ADGRL2: variants seen among roughly 807,000 people sequenced by gnomAD.
ADGRL2 encodes adhesion G protein-coupled receptor L2, also known as calcium-independent alpha-latrotoxin receptor 2.
ADGRL2 carries 44 observed loss-of-function variants against 157.4 expected under a neutral mutation model. The ratio of observed to expected loss-of-function variants is 0.28; its 90% confidence interval spans 0.22 to 0.36. The LOEUF (loss-of-function observed/expected upper bound fraction) is 0.36, where lower values mean the gene tolerates loss of function less well. ADGRL2 is among the 10% of genes least tolerant of loss of function. ADGRL2 has a pLI of 1.00. For missense variants in ADGRL2, 1,510 were observed against 1,768.9 expected, an observed-to-expected ratio of 0.85 and a Z score of 2.63; for synonymous variants, 585 against 624.7, an observed-to-expected ratio of 0.94 and a Z score of 0.95.
chr1:81,754,227 C>CTT (rs547167656), intron 1 of ADGRL2, among the ~76,000 whole-genome samples: 3 of 133,528 alleles, frequency 2.2e-5, no homozygotes, highest in Non-Finnish European at 3.2e-5. Context: ...CTTCCTCTCT[C>CTT]TCTTTCTTTC....
At chr1:81,424,911 G>C (rs893956676) in intron 1 of ADGRL2, among the ~76,000 whole-genome samples, 1 of 152,178 alleles carries the variant, frequency 6.6e-6, no homozygotes, top group Admixed American at 6.5e-5. Context: ...AACACTAGTA[G>C]CTACTATTAT....
At chr1:81,813,960 T>A (rs2090134529) in intron 1 of ADGRL2, among the ~76,000 whole-genome samples, 1 of 151,694 alleles carries the variant, frequency 6.6e-6, no homozygotes, top group Admixed American at 6.6e-5. Flanking sequence ...GTTCTACCTG[T>A]TTTGTCTTAA....
At chr1:81,805,326 T>C (rs2088953299) in intron 1 of ADGRL2, among the ~76,000 whole-genome samples, 1 of 152,072 alleles carries the variant, frequency 6.6e-6, no homozygotes, top group Non-Finnish European at 1.5e-5. Flanking sequence ...GTTTTATTTA[T>C]TTGACTTAAG....
intron 1 of ADGRL2, among the ~76,000 whole-genome samples, chr1:81,366,967 A>G (rs534842408): frequency 4.6e-5 from 7 of 152,120 alleles, no homozygotes; most frequent in Admixed American, 2.6e-4. Context: ...GATCTTAATC[A>G]CCCTCTGAAT....
chr1:81,372,403 C>T (rs2076175738), intron 1 of ADGRL2, among the ~76,000 whole-genome samples: 1 of 152,146 alleles, frequency 6.6e-6, no homozygotes, highest in Non-Finnish European at 1.5e-5. Context: ...AGATGGCAAA[C>T]ACAAGGGGGA....
intron 1 of ADGRL2, among the ~76,000 whole-genome samples, chr1:81,757,959 A>T (rs2085746239): frequency 6.6e-6 from 1 of 152,182 alleles, no homozygotes; most frequent in Non-Finnish European, 1.5e-5. Context: ...ACTAAGTAAA[A>T]ACACGATTTC....
At chr1:81,554,864 TC>T (rs2080235069) in intron 2 of ADGRL2, among the ~76,000 whole-genome samples, 1 of 152,070 alleles carries the variant, frequency 6.6e-6, no homozygotes, top group African/African-American at 2.4e-5. Context: ...GACTATATGA[TC>T]CCTGTATATT....
chr1:81,426,594 A>G (rs1045943065), intron 1 of ADGRL2: 6 of 475,146 alleles, frequency 1.3e-5, no homozygotes, highest in African/African-American at 2.0e-5. Context: ...CTTTGAAACG[A>G]CAGATGATAG....
intron 1 of ADGRL2, among the ~76,000 whole-genome samples, chr1:81,340,893 G>GTTT (rs34286374): frequency 4.8e-5 from 7 of 145,268 alleles, no homozygotes; most frequent in African/African-American, 1.5e-4. Flanking sequence ...GGGAGCAAAG[G>GTTT]TTTTTTTTTT....
Position 81,964,577 on chromosome 1 carries a change from A to C in ADGRL2, c.2018-1481A>C, listed in dbSNP as rs1311134050. ...TTTAATTGCTTATAAAAATGTATGA[A>C]TGTTATTATATTTACACCTAAATAT... On this transcript the variant is annotated intron_variant, in intron 11 of 23. Coordinates refer to ENST00000686636, the MANE Select transcript of ADGRL2 (RefSeq NM_001366006.2). 2.0e-5 allele frequency among the ~76,000 whole-genome samples: 3 copies of C among 152,214 alleles called. No individual in the cohort carries two copies. The East Asian group carries it at 5.8e-4, about 29-fold the overall frequency.
At chr1:81,727,735 A>C (rs1370802042) in intron 1 of ADGRL2, among the ~76,000 whole-genome samples, 3 of 151,876 alleles carry the variant, frequency 2.0e-5, no homozygotes, top group Non-Finnish European at 4.4e-5. Flanking sequence ...CTGGCTGAAA[A>C]CTCAATTTTT....
chr1:81,573,656 T>C (rs2080740190), intron 2 of ADGRL2, among the ~76,000 whole-genome samples: 1 of 152,158 alleles, frequency 6.6e-6, no homozygotes, highest in Non-Finnish European at 1.5e-5. Flanking sequence ...CTCTACTGGC[T>C]CTACTGGTAC....
chr1:81,510,617 G>T (rs1329745244), intron 2 of ADGRL2, among the ~76,000 whole-genome samples: 1 of 152,162 alleles, frequency 6.6e-6, no homozygotes, highest in Non-Finnish European at 1.5e-5. Flanking sequence ...AAAAAAATCT[G>T]CTGAAAGGCT....
At chr1:81,492,961 A>T (rs551249400) in intron 2 of ADGRL2, among the ~76,000 whole-genome samples, 4 of 152,204 alleles carry the variant, frequency 2.6e-5, no homozygotes, top group Admixed American at 2.6e-4. Flanking sequence ...CTCTTCTGAC[A>T]TCTAATGTGT....
chr1:81,860,012 C>T (rs1469798098), intron 2 of ADGRL2, among the ~76,000 whole-genome samples: 1 of 151,790 alleles, frequency 6.6e-6, no homozygotes, highest in African/African-American at 2.4e-5. Flanking sequence ...ATCACAAGGT[C>T]AGGAGTTCCA....
chr1:81,392,539 T>C (rs2076578701), intron 1 of ADGRL2, among the ~76,000 whole-genome samples: 1 of 152,154 alleles, frequency 6.6e-6, no homozygotes. Context: ...AGTCTAATCC[T>C]ACATCCTAAA....
At chr1:81,407,536 T>C (rs1196016301) in intron 1 of ADGRL2, among the ~76,000 whole-genome samples, 2 of 152,262 alleles carry the variant, frequency 1.3e-5, no homozygotes, top group Non-Finnish European at 2.9e-5. Flanking sequence ...GCTGTTTTTA[T>C]TCTGCTTTTC....
At chr1:81,532,972 C>CTATCTATCATCT (rs200154872) in intron 2 of ADGRL2, among the ~76,000 whole-genome samples, 3,139 of 137,496 alleles carry the variant, frequency 0.023, 55 homozygotes, top group Non-Finnish European at 0.035. Flanking sequence ...ATCTATCTAT[C>CTATCTATCATCT]ATCTATCTAT....
chr1:81,634,062 G>A (rs1369030656), intron 3 of ADGRL2, among the ~76,000 whole-genome samples: 1 of 152,136 alleles, frequency 6.6e-6, no homozygotes, highest in Non-Finnish European at 1.5e-5. Flanking sequence ...AGCACTCCAA[G>A]AAAGAAGACT....
Sources: gnomAD v4.1 joint callset for allele counts (sites outside exome capture counted in the v4.1 genomes callset) on GRCh38, gnomAD v4.1.1 for gene constraint, MANE v1.5 for transcripts, NCBI Gene and HGNC (gene_info 2026-07-23, HGNC 2026-07-21) for gene names.